ATP6V0A1: variants seen among roughly 807,000 people sequenced by gnomAD.
ATP6V0A1 encodes the protein ATPase H+ transporting V0 subunit a1, also known as V-type proton ATPase 116 kDa subunit a 1.
ATP6V0A1 carries 43 observed loss-of-function variants against 105.4 expected under a neutral mutation model. The ratio of observed to expected loss-of-function variants is 0.41; its 90% CI spans 0.32 to 0.53. The LOEUF is 0.53. Ranked by LOEUF, ATP6V0A1 falls within the 20% of genes least tolerant of loss-of-function variation. The pLI is 0.30. For synonymous variants in ATP6V0A1, 362 were observed against 372.8 expected (o/e 0.97, Z 0.33); for missense variants, 676 against 1,051.1 (o/e 0.64, Z 4.93).
At chr17:42,516,437 T>C (rs1443162172) in intron 21 of ATP6V0A1, among the ~76,000 whole-genome samples, 2 of 152,136 alleles carry the variant, frequency 1.3e-5, no homozygotes, top group African/African-American at 4.8e-5. Flanking sequence ...ACCCAGCTCA[T>C]CTGGCTGGCC....
chr17:42,481,226 C>CTT (rs775355134), intron 8 of ATP6V0A1: 18 of 138,984 alleles, frequency 1.3e-4, no homozygotes, highest in African/African-American at 1.8e-4. Context: ...TTCTTTTTCT[C>CTT]TTTTTTTTTT....
At chr17:42,499,143 C>A in intron 15 of ATP6V0A1, 101 bp downstream of exon 15, 1 of 869,814 alleles carries the variant, frequency 1.1e-6, no homozygotes, top group Non-Finnish European at 1.8e-6. Flanking sequence ...TAACTCAGAA[C>A]CTCATTCTAC....
chr17:42,500,726 A>T lies in ATP6V0A1; in HGVS notation c.1699A>T (p.Asn567Tyr). Reference protein sequence around the residue: ...FNHIYFKKPLNIYFGFIPEII... With the variant: ...FNHIYFKKPLYIYFGFIPEII... The stretch of plus-strand genomic sequence containing the variant: ...TTTTAGCTATTTCAAGAAGCCCCTG[A>T]ATATCTACTTTGGATTTATTCCTGA... Residue 567 changes from asparagine to tyrosine, a missense_variant, in exon 16 of 22, where the codon AAT (asparagine) becomes TAT (tyrosine). Transcript: ENST00000343619. The T allele has an allele frequency of 6.2e-7, 1 of 1,613,658 alleles. No individual in the cohort carries two copies. Among genetic ancestry groups the T allele is most frequent in the Non-Finnish European group, 8.5e-7 (1 of 1,179,574 alleles).
chr17:42,477,627 T>G, intron 5 of ATP6V0A1, 33 bp from the exon 6 acceptor site: 1 of 1,610,216 alleles, frequency 6.2e-7, no homozygotes, highest in Non-Finnish European at 8.5e-7. Context: ...ATTAATTGAT[T>G]TGTGAATTCA....
chr17:42,510,346 T>G (rs1434219925), intron 19 of ATP6V0A1: 1 of 152,298 alleles, frequency 6.6e-6, no homozygotes, highest in Non-Finnish European at 1.5e-5. Context: ...GGAGATAGTC[T>G]GGATGACAGG....
At chr17:42,520,730 A>G (rs550922305) in intron 21 of ATP6V0A1, 2 of 426,166 alleles carry the variant, frequency 4.7e-6, no homozygotes, top group East Asian at 1.1e-4. Flanking sequence ...TGTTAGGCTC[A>G]AGGTAACTGA....
intron 4 of ATP6V0A1, among the ~76,000 whole-genome samples, chr17:42,468,684 C>T (rs1366508674): frequency 6.6e-6 from 1 of 152,128 alleles, no homozygotes; most frequent in Non-Finnish European, 1.5e-5. Context: ...ACCTCCAGTT[C>T]TATCCATGTT....
In ATP6V0A1 at chr17:42,461,975, G is replaced by A. The variant is rs553918039; in HGVS notation, c.117+964G>A. Among the ~76,000 whole-genome samples, 4 of 151,302 alleles carry A rather than the reference G, an allele frequency of 2.6e-5. No individual in the cohort carries two copies. The South Asian group carries it at 8.4e-4, about 32-fold the overall frequency. On this transcript the variant is annotated intron_variant, in intron 2 of 21. Coordinates refer to ENST00000343619, the MANE Select transcript of ATP6V0A1 (RefSeq NM_001130021.3). Reference sequence around the variant, plus strand: ...AAATGCCAGTACTTTGAGAGGCCAAGGCAGGAGGATCGCTTGAGCCCAGGA... The same window carrying A: ...AAATGCCAGTACTTTGAGAGGCCAAAGCAGGAGGATCGCTTGAGCCCAGGA...
chr17:42,507,927 G>T (rs1365010184), intron 18 of ATP6V0A1, among the ~76,000 whole-genome samples: 1 of 152,132 alleles, frequency 6.6e-6, no homozygotes, highest in Non-Finnish European at 1.5e-5. Flanking sequence ...GGCAGAGCAG[G>T]CCTCAGCATC....
chr17:42,460,802 C>A, intron 1 of ATP6V0A1, 46 bp from the exon 2 acceptor site: 1 of 997,798 alleles, frequency 1.0e-6, no homozygotes. Context: ...TTGCTCTTAG[C>A]CCTCGTGGTA....
rs376713874 is a variant in ATP6V0A1 at position 42,478,621 on chromosome 17, G to C, written c.633+32G>C. The C allele has an allele frequency of 4.6e-6, 7 of 1,534,884 alleles. No homozygotes were observed. In the African/African-American group the frequency reaches 6.9e-5, roughly 15 times the overall value. ...CAAGGAGATTGCATCCTGTGGAGTA[G>C]GTCTTGTAAAGGGAGCCCAGAGCAG... On this transcript the variant is annotated intron_variant, in intron 7 of 21. Transcript: ENST00000343619.
In ATP6V0A1 at chr17:42,521,565, A is replaced by G; in HGVS notation, c.*445A>G. 1 of 152,952 alleles carries G rather than the reference A, an allele frequency of 6.5e-6. No individual in the cohort carries two copies. The highest frequency in any genetic ancestry group is 1.9e-4 in the East Asian group (1 of 5,358). The allele number at this position is 152,952 out of a possible 1,614,324, so 9.5% of individuals were successfully genotyped here. On this transcript the variant is annotated 3_prime_UTR_variant, in exon 22 of 22. Coordinates refer to ENST00000343619, the MANE Select transcript of ATP6V0A1 (RefSeq NM_001130021.3). The surrounding 1 kb of genome is among the most constrained non-coding windows in gnomAD (Gnocchi z 4.8). Reference sequence around the variant, plus strand: ...GGGGGAGTAATACAGATTCTTCCCTAGAAGGGGACACTGGTAACATGTCCC... The same window carrying G: ...GGGGGAGTAATACAGATTCTTCCCTGGAAGGGGACACTGGTAACATGTCCC...
intron 1 of ATP6V0A1, chr17:42,460,230 A>G (rs1449876108): frequency 1.3e-5 from 2 of 152,262 alleles, no homozygotes; most frequent in Non-Finnish European, 2.9e-5. Context: ...ATTGAGCTTA[A>G]TATGCAAACT....
chr17:42,499,032 T>C lies in ATP6V0A1; in HGVS notation c.1669T>C (p.Phe557Leu), dbSNP rs1222072943. 1.3e-6 allele frequency: 2 copies of C among 1,597,068 alleles called. No individual in the cohort carries two copies. The highest frequency in any genetic ancestry group is 3.3e-5 in the Admixed American group (2 of 59,758). The change falls in exon 15 of 22, where the codon TTC becomes CTC. Residue 557 changes from phenylalanine (F) to leucine (L), a missense_variant. Physicochemically the swap from Phe to Leu is conservative, Grantham distance 22. Around this residue, in one of 3 missense-constraint regions of ATP6V0A1, gnomAD observed 435 missense variants for 642.2 expected, o/e 0.68. Transcript: ENST00000343619. ...HMLFGVSLSL[F>L]NHIYFKKPLN... ...GCTGTTTGGAGTCAGCCTGAGTCTG[T>C]TCAACCATATGTGAGTTGTTCCATT... is the stretch of plus-strand genomic sequence containing the variant.
chr17:42,500,640 C>T (rs940712443), intron 15 of ATP6V0A1, 67 bp from the exon 16 acceptor site: 10 of 1,288,970 alleles, frequency 7.8e-6, no homozygotes, highest in African/African-American at 1.5e-5. Context: ...CTAGTGAATA[C>T]TCCATTCAGT....
chr17:42,498,190 A>G (rs1322991344), intron 14 of ATP6V0A1, among the ~76,000 whole-genome samples: 3 of 151,702 alleles, frequency 2.0e-5, no homozygotes, highest in East Asian at 3.9e-4. Flanking sequence ...CAGCGAGATC[A>G]TGAACACTGC....
At chr17:42,477,174 C>T (rs541837936) in intron 5 of ATP6V0A1, among the ~76,000 whole-genome samples, 6 of 152,296 alleles carry the variant, frequency 3.9e-5, no homozygotes, top group Non-Finnish European at 7.4e-5. Flanking sequence ...CACATTCTCA[C>T]GTAGGGAAAA....
chr17:42,499,349 T>C (rs926360620), intron 15 of ATP6V0A1, among the ~76,000 whole-genome samples: 2 of 151,846 alleles, frequency 1.3e-5, no homozygotes, highest in Non-Finnish European at 2.9e-5. Context: ...CACGCGCCTA[T>C]ATTCCCAGCT....
chr17:42,518,106 G>A (rs1036337250), intron 21 of ATP6V0A1: 1 of 152,236 alleles, frequency 6.6e-6, no homozygotes. Flanking sequence ...TTCTTCCTCA[G>A]AGAAGGCATG....
Sources: allele counts gnomAD v4.1 joint callset (sites outside exome capture counted in the v4.1 genomes callset), GRCh38; gene constraint gnomAD v4.1.1; regional missense constraint gnomAD v4.1.1; non-coding constraint Gnocchi (gnomAD v3.1); transcripts MANE v1.5; gene names NCBI Gene and HGNC (gene_info 2026-07-23, HGNC 2026-07-21).